The following NME7 variants were observed in gnomAD, a reference collection of about 807,000 sequenced individuals.
NME7 encodes the protein nucleoside diphosphate kinase 7.
Under a neutral mutation model 49.1 loss-of-function variants are expected in NME7, and 41 were observed. The observed-to-expected ratio is 0.83, with a 90% CI of 0.65 to 1.08. The LOEUF (loss-of-function observed/expected upper bound fraction) is 1.08, where lower values mean the gene tolerates loss of function less well. Among genes scored for constraint, NME7 ranks in the 50% least tolerant of loss-of-function variants. The pLI is 0.00. For synonymous variants in NME7, 139 were observed against 150.6 expected (o/e 0.92, Z 0.56); for missense variants, 423 against 463.4 (o/e 0.91, Z 0.80).
chr1:169,354,522 T>G (rs1437408207), intron 1 of NME7, among the ~76,000 whole-genome samples: 2 of 151,522 alleles, frequency 1.3e-5, no homozygotes, highest in Non-Finnish European at 2.9e-5. Flanking sequence ...ACTAGAAGAG[T>G]GTAACTTGAT....
rs986644736 is a variant in NME7, at chr1:169,263,811, G to A, written c.754+23492C>T. 1.1e-4 allele frequency among the ~76,000 whole-genome samples: 14 copies of A among 132,044 alleles called. 2 individuals are homozygous for A. The highest frequency in any genetic ancestry group is 3.3e-4 in the African/African-American group (13 of 39,158). The allele number at this position is 132,044 out of a possible 152,430, so 86.6% of individuals were successfully genotyped here. ...GACACATAATCATCAAATTTTCCAA[G>A]TTCAAAATGAAAGAAAAAATGTTAA... On this transcript the variant is annotated intron_variant, in intron 7 of 11. Coordinates refer to ENST00000367811, the MANE Select transcript of NME7 (RefSeq NM_013330.5).
intron 7 of NME7, among the ~76,000 whole-genome samples, chr1:169,253,855 T>A (rs1207629628): frequency 6.6e-6 from 1 of 151,192 alleles, no homozygotes; most frequent in South Asian, 2.1e-4. Flanking sequence ...GTTTATATGC[T>A]GGATTACATT....
intron 4 of NME7, among the ~76,000 whole-genome samples, chr1:169,308,271 G>A (rs1443819276): frequency 6.6e-6 from 1 of 152,120 alleles, no homozygotes; most frequent in African/African-American, 2.4e-5. Flanking sequence ...GGAATCAGAT[G>A]TATTGAAGCT....
chr1:169,357,786 G>A (rs1017616666), intron 1 of NME7, among the ~76,000 whole-genome samples: 2 of 151,970 alleles, frequency 1.3e-5, no homozygotes, highest in Non-Finnish European at 2.9e-5. Context: ...GGGTCTGAAC[G>A]GTCTCATTGT....
At chr1:169,355,112 A>G (rs1268370301) in intron 1 of NME7, among the ~76,000 whole-genome samples, 94 of 47,484 alleles carry the variant, frequency 2.0e-3, no homozygotes, top group Middle Eastern at 0.033. Flanking sequence ...GATATAATAT[A>G]TAATATACTA....
intron 9 of NME7, among the ~76,000 whole-genome samples, chr1:169,233,986 TCTCA>T (rs1276317806): frequency 6.6e-6 from 1 of 151,942 alleles, no homozygotes; most frequent in East Asian, 1.9e-4. Context: ...TCTTTGTCTC[TCTCA>T]CTCATTCTCT....
chr1:169,224,838 A>C (rs1325150577), intron 10 of NME7, among the ~76,000 whole-genome samples: 2 of 152,310 alleles, frequency 1.3e-5, no homozygotes, highest in South Asian at 2.1e-4. Flanking sequence ...AATTTCAGGA[A>C]GTAGACAGAC....
chr1:169,257,855 T>A (rs1649019200), intron 7 of NME7, among the ~76,000 whole-genome samples: 1 of 133,806 alleles, frequency 7.5e-6, no homozygotes, highest in Non-Finnish European at 1.8e-5. Flanking sequence ...AGGCTAAAGA[T>A]AAAACTCCAA....
intron 1 of NME7, among the ~76,000 whole-genome samples, chr1:169,353,572 T>C (rs1653264050): frequency 6.6e-6 from 1 of 152,026 alleles, no homozygotes; most frequent in African/African-American, 2.4e-5. Flanking sequence ...GTTAAAAAGC[T>C]TCTGCATAGC....
In NME7 at chr1:169,324,494, T is replaced by A; in HGVS notation, c.10A>T (p.Ser4Cys). 6.3e-7 allele frequency: 1 copy of A among 1,594,658 alleles called. No homozygotes were observed. The highest frequency in any genetic ancestry group is 8.6e-7 in the Non-Finnish European group (1 of 1,162,790). The stretch of plus-strand genomic sequence containing the variant: ...TCTGCAATGAAAACGAATCTTTCAC[T>A]ATGATTCTGCAAAGAAAGACAGAAG... MNH[S>C]ERFVFIAEWY... The change falls in exon 2 of 12, where the codon AGT becomes TGT. Residue 4 changes from serine to cysteine, a missense_variant. Transcript: ENST00000367811.
chr1:169,321,626 A>G (rs1651853847), intron 3 of NME7, among the ~76,000 whole-genome samples: 1 of 152,124 alleles, frequency 6.6e-6, no homozygotes, highest in Non-Finnish European at 1.5e-5. Context: ...TTCCTTTTTA[A>G]TGAGGCATGC....
At chr1:169,251,634 T>C (rs1648621293) in intron 7 of NME7, among the ~76,000 whole-genome samples, 1 of 148,318 alleles carries the variant, frequency 6.7e-6, no homozygotes, top group Non-Finnish European at 1.5e-5. Context: ...TATGTATACA[T>C]GTGCCATGCT....
At chr1:169,202,509 T>A (rs1031482420) in intron 10 of NME7, among the ~76,000 whole-genome samples, 2 of 152,174 alleles carry the variant, frequency 1.3e-5, no homozygotes, top group East Asian at 1.9e-4. Flanking sequence ...TATTTCTTTA[T>A]AGTAATGTAA....
At chr1:169,150,207 A>G (rs1658874122) in intron 11 of NME7, among the ~76,000 whole-genome samples, 1 of 151,574 alleles carries the variant, frequency 6.6e-6, no homozygotes, top group South Asian at 2.1e-4. Flanking sequence ...TCTCTAATTT[A>G]CTCTGTATGT....
intron 10 of NME7, among the ~76,000 whole-genome samples, chr1:169,170,472 G>A (rs986688791): frequency 6.6e-6 from 1 of 152,004 alleles, no homozygotes; most frequent in Admixed American, 6.6e-5. Flanking sequence ...TATTTGCCAG[G>A]GTTCCATCAA....
chr1:169,254,115 T>G (rs1010147656), intron 7 of NME7, among the ~76,000 whole-genome samples: 1 of 149,998 alleles, frequency 6.7e-6, no homozygotes, highest in Non-Finnish European at 1.5e-5. Context: ...TTTCTATTGA[T>G]TGGAATAGTT....
chr1:169,186,845 G>T (rs1660079730), intron 10 of NME7, among the ~76,000 whole-genome samples: 1 of 151,364 alleles, frequency 6.6e-6, no homozygotes, highest in African/African-American at 2.4e-5. Context: ...GTGATGTTAG[G>T]GTGTCAATTT....
At chr1:169,213,920 C>T (rs1319847990) in intron 10 of NME7, among the ~76,000 whole-genome samples, 1 of 151,814 alleles carries the variant, frequency 6.6e-6, no homozygotes, top group Non-Finnish European at 1.5e-5. Context: ...TCCAGATTAC[C>T]CAGTGCTATA....
chr1:169,281,638 G>C (rs545074591), intron 7 of NME7, among the ~76,000 whole-genome samples: 29 of 152,242 alleles, frequency 1.9e-4, no homozygotes, highest in Non-Finnish European at 3.4e-4. Context: ...TCAATACCTA[G>C]TTTATTGAGA....
Sources: gnomAD v4.1 joint callset for allele counts (sites outside exome capture counted in the v4.1 genomes callset) on GRCh38, gnomAD v4.1.1 for gene constraint, MANE v1.5 for transcripts, NCBI Gene and HGNC (gene_info 2026-07-23, HGNC 2026-07-21) for gene names.